Variants in SLC27A6 observed in about 807,000 individuals in gnomAD.
SLC27A6 encodes long-chain fatty acid transport protein 6.
A neutral mutation model predicts 63.9 loss-of-function variants in SLC27A6; 74 were observed. That is an observed-to-expected ratio of 1.16 (90% CI 0.96 to 1.40). The LOEUF (loss-of-function observed/expected upper bound fraction) is 1.40. Ranked by LOEUF, SLC27A6 falls within the 40% of genes most tolerant of loss-of-function variation. SLC27A6 has a pLI of 0.00. For synonymous variants in SLC27A6, 287 were observed against 260.8 expected, an observed-to-expected ratio of 1.10 and a Z score of -0.97; for missense variants, 794 against 732.9, an observed-to-expected ratio of 1.08 and a Z score of -0.96.
At chr5:129,006,166 C>T (rs1355120949) in intron 4 of SLC27A6, among the ~76,000 whole-genome samples, 1 of 142,354 alleles carries the variant, frequency 7.0e-6, no homozygotes, top group Non-Finnish European at 1.5e-5. Context: ...GCAAGCTCCA[C>T]CTCCTCCGTT....
chr5:129,003,086 T>G (rs1209919862), intron 4 of SLC27A6, among the ~76,000 whole-genome samples: 2 of 152,212 alleles, frequency 1.3e-5, no homozygotes, highest in African/African-American at 4.8e-5. Context: ...GTATGTCTAG[T>G]TTGTGTCTTT....
intron 6 of SLC27A6, among the ~76,000 whole-genome samples, chr5:129,025,363 G>A (rs758212139): frequency 1.1e-4 from 16 of 151,984 alleles, no homozygotes; most frequent in African/African-American, 3.4e-4. Context: ...AGATATAAGA[G>A]TCTTGAAAAA....
At chr5:128,989,438 A>C (rs1182328284) in intron 3 of SLC27A6, among the ~76,000 whole-genome samples, 1 of 152,232 alleles carries the variant, frequency 6.6e-6, no homozygotes, top group African/African-American at 2.4e-5. Flanking sequence ...GTATTTGTCT[A>C]AAATGCTGTA....
At chr5:128,997,681 C>T (rs1030518216) in intron 4 of SLC27A6, among the ~76,000 whole-genome samples, 4 of 152,100 alleles carry the variant, frequency 2.6e-5, no homozygotes, top group Admixed American at 6.6e-5. Context: ...TCCTTTATGC[C>T]ATTTATGCTA....
Position 129,022,463 on chromosome 5 carries a change from T to A in SLC27A6, c.1165-1157T>A, listed in dbSNP as rs546889167. Reference sequence around the variant, plus strand: ...GTATTTAATCTTTGATGATAAATAATACTATTGCATCTATCTCAATCATCT... The same window carrying A: ...GTATTTAATCTTTGATGATAAATAAAACTATTGCATCTATCTCAATCATCT... On this transcript the variant is annotated intron_variant, in intron 5 of 9. Transcript: ENST00000262462. Among the ~76,000 whole-genome samples the A allele has an allele frequency of 3.3e-5, 5 of 152,306 alleles. No homozygotes were observed. In the South Asian group the frequency reaches 6.2e-4, roughly 19 times the overall value.
At chr5:129,023,393 T>G (rs1752136548) in intron 5 of SLC27A6, among the ~76,000 whole-genome samples, 1 of 152,098 alleles carries the variant, frequency 6.6e-6, no homozygotes, top group Admixed American at 6.5e-5. Context: ...ACAAAAGAAA[T>G]GAAAGTAAAT....
chr5:129,029,706 A>T lies in SLC27A6; in HGVS notation c.1682A>T (p.Gln561Leu). 6.3e-7 allele frequency: 1 copy of T among 1,594,032 alleles called. No homozygotes were observed. The highest frequency in any genetic ancestry group is 8.5e-7 in the Non-Finnish European group (1 of 1,174,082). ...GCTTGTCCACGATTTTTAAGAATTC[A>T]GGTAATTTTAGTGGCGGAGTTTACT... The part of the protein sequence containing the change: ...AYACPRFLRI[Q>L]EKMEATGTFK... Residue 561 changes from glutamine to leucine, a missense_variant and splice_region_variant, in exon 9 of 10, where the codon CAG becomes CTG. By Grantham distance (113) the Gln-to-Leu change is moderately radical. Coordinates refer to ENST00000262462, the MANE Select transcript of SLC27A6 (RefSeq NM_001017372.3).
At chr5:129,000,899 C>T (rs1751310430) in intron 4 of SLC27A6, among the ~76,000 whole-genome samples, 1 of 152,170 alleles carries the variant, frequency 6.6e-6, no homozygotes, top group Non-Finnish European at 1.5e-5. Context: ...CCACGTGCTG[C>T]AGGATAGAAA....
At chr5:128,998,927 A>G (rs902652123) in intron 4 of SLC27A6, among the ~76,000 whole-genome samples, 2 of 152,170 alleles carry the variant, frequency 1.3e-5, no homozygotes, top group Non-Finnish European at 2.9e-5. Context: ...AAACACAATG[A>G]ATTAAGATCA....
At chr5:128,977,731 C>CA (rs1200280002) in intron 1 of SLC27A6, among the ~76,000 whole-genome samples, 7 of 152,004 alleles carry the variant, frequency 4.6e-5, no homozygotes, top group African/African-American at 1.7e-4. Context: ...TGTTGATCAC[C>CA]AAAAATAATG....
intron 4 of SLC27A6, among the ~76,000 whole-genome samples, chr5:129,015,657 A>G (rs257920): frequency 0.22 from 33,748 of 152,038 alleles, 3,813 homozygotes; most frequent in Middle Eastern, 0.29. Flanking sequence ...TGCAATTTAG[A>G]ATGAGCTGTT....
intron 9 of SLC27A6, among the ~76,000 whole-genome samples, chr5:129,032,495 T>C (rs1380264054): frequency 1.3e-5 from 2 of 152,018 alleles, no homozygotes; most frequent in Non-Finnish European, 2.9e-5. Flanking sequence ...GTATTACAAA[T>C]TACTATTGAA....
In SLC27A6 at chr5:128,966,165, G is replaced by A. The variant is rs773779490; in HGVS notation, c.28G>A (p.Gly10Arg). ...GCTTCTGTCATGGCTAACAGTTCTA[G>A]GGGCTGGAATGGTCGTCCTGCACTT... The part of the protein sequence containing the change: MLLSWLTVL[G>R]AGMVVLHFLQ... Residue 10 changes from glycine (G) to arginine (R), a missense_variant, in exon 1 of 10, where the codon GGG becomes AGG. Gly to Arg is a moderately radical substitution (Grantham distance 125). Transcript: ENST00000262462. 1 of 1,569,048 alleles carries A rather than the reference G, an allele frequency of 6.4e-7. No homozygotes were observed. Among genetic ancestry groups the A allele is most frequent in the South Asian group, 1.2e-5 (1 of 81,428 alleles).
At chr5:129,001,450 T>C (rs1751329887) in intron 4 of SLC27A6, among the ~76,000 whole-genome samples, 2 of 152,250 alleles carry the variant, frequency 1.3e-5, no homozygotes. Flanking sequence ...GTTTTATCTT[T>C]CTTATTATTA....
At chr5:128,969,356 G>T (rs1468445316) in intron 1 of SLC27A6, among the ~76,000 whole-genome samples, 2 of 152,158 alleles carry the variant, frequency 1.3e-5, no homozygotes, top group African/African-American at 2.4e-5. Context: ...ACCTTGGGCA[G>T]TATGGCCATT....
At chr5:128,987,422 T>A (rs1419598518) in intron 2 of SLC27A6, among the ~76,000 whole-genome samples, 1 of 152,120 alleles carries the variant, frequency 6.6e-6, no homozygotes, top group East Asian at 1.9e-4. Context: ...AAATATAAAC[T>A]GATAGTCAGT....
At chr5:129,006,444 T>TGA (rs1554097998) in intron 4 of SLC27A6, among the ~76,000 whole-genome samples, 1 of 61,330 alleles carries the variant, frequency 1.6e-5, no homozygotes, top group Non-Finnish European at 3.3e-5. Context: ...TATATATGCA[T>TGA]GAGTGTGTGT....
intron 4 of SLC27A6, among the ~76,000 whole-genome samples, chr5:129,007,532 ATCT>A (rs1751585359): frequency 6.6e-6 from 1 of 151,846 alleles, no homozygotes; most frequent in African/African-American, 2.4e-5. Flanking sequence ...AAAAGTGTTA[ATCT>A]TCTTAATACA....
intron 4 of SLC27A6, among the ~76,000 whole-genome samples, chr5:129,007,705 T>G (rs1191825664): frequency 6.6e-6 from 1 of 152,050 alleles, no homozygotes; most frequent in East Asian, 1.9e-4. Context: ...AAGATATAAA[T>G]TTTTAGCCAA....
Sources: gnomAD v4.1 joint callset for allele counts (sites outside exome capture counted in the v4.1 genomes callset) on GRCh38, gnomAD v4.1.1 for gene constraint, MANE v1.5 for transcripts, NCBI Gene and HGNC (gene_info 2026-07-23, HGNC 2026-07-21) for gene names.